The following CDC42BPB variants were observed in gnomAD, a reference collection of about 807,000 sequenced individuals.
CDC42BPB encodes the protein serine/threonine-protein kinase MRCK beta.
A neutral mutation model predicts 214.9 loss-of-function variants in CDC42BPB; 37 were observed. That is an observed-to-expected ratio of 0.17 (90% CI 0.13 to 0.23). The LOEUF (loss-of-function observed/expected upper bound fraction) is 0.23, where lower values mean the gene tolerates loss of function less well. CDC42BPB is among the 10% of genes least tolerant of loss of function. CDC42BPB has a pLI of 1.00. For missense variants in CDC42BPB, 1,694 were observed against 2,227.0 expected (o/e 0.76, Z 4.82); for synonymous variants, 931 against 884.0 (o/e 1.05, Z -0.94).
chr14:102,984,589 G>A (rs866402411), intron 6 of CDC42BPB, among the ~76,000 whole-genome samples: 1 of 152,090 alleles, frequency 6.6e-6, no homozygotes, highest in Non-Finnish European at 1.5e-5. Context: ...TCTGCAGAAA[G>A]CTGCGAGGGC....
intron 1 of CDC42BPB, chr14:103,041,368 T>C (rs1423124926): frequency 1.6e-5 from 8 of 502,408 alleles, no homozygotes; most frequent in East Asian, 3.2e-5. Flanking sequence ...TATGAAACTT[T>C]GTGACCTTGC....
chr14:103,015,150 G>C (rs976129904), intron 1 of CDC42BPB, among the ~76,000 whole-genome samples: 5 of 152,224 alleles, frequency 3.3e-5, no homozygotes, highest in African/African-American at 1.2e-4. Flanking sequence ...GGCTTGGAGA[G>C]GCAAAACCAC....
At chr14:102,949,022 C>T (rs543581047) in intron 26 of CDC42BPB, among the ~76,000 whole-genome samples, 2 of 152,290 alleles carry the variant, frequency 1.3e-5, no homozygotes, top group South Asian at 4.1e-4. Flanking sequence ...AGATGGAGTA[C>T]CCAGCCCCGG....
chr14:103,050,230 T>C (rs528302381), intron 1 of CDC42BPB, among the ~76,000 whole-genome samples: 1 of 152,260 alleles, frequency 6.6e-6, no homozygotes, highest in South Asian at 2.1e-4. Context: ...CCTGAGGACC[T>C]GAGAGCTTTA....
In CDC42BPB at chr14:102,966,337, T is replaced by G; in HGVS notation, c.2522A>C (p.Lys841Thr). The change falls in exon 18 of 37, where the codon AAG becomes ACG. Residue 841 changes from lysine (K) to threonine (T), a missense_variant. By Grantham distance (78) the Lys-to-Thr change is moderately conservative. Transcript: ENST00000361246. ...CAAAGCCTCGAGCTCTTCGGTCATCTTGGAAGCAAGAGCTTGAAGGTAACC... is the reference window on the plus strand; with the variant it reads ...CAAAGCCTCGAGCTCTTCGGTCATCGTGGAAGCAAGAGCTTGAAGGTAACC... ...ARGYLQALASKMTEELEALRS... is the reference protein window; with the variant it reads ...ARGYLQALASTMTEELEALRS... 6.2e-7 allele frequency: 1 copy of G among 1,614,130 alleles called. No individual in the cohort carries two copies. The highest frequency in any genetic ancestry group is 2.2e-5 in the East Asian group (1 of 44,878).
intron 5 of CDC42BPB, among the ~76,000 whole-genome samples, chr14:102,988,836 A>G (rs1171471195): frequency 6.6e-6 from 1 of 151,390 alleles, no homozygotes; most frequent in Non-Finnish European, 1.5e-5. Context: ...AAAAAGTAAA[A>G]ATACTAAAAA....
chr14:102,979,377 A>C (rs1032462963), intron 8 of CDC42BPB, among the ~76,000 whole-genome samples: 2 of 151,848 alleles, frequency 1.3e-5, no homozygotes, highest in South Asian at 2.1e-4. Flanking sequence ...ATGCCCGGCT[A>C]ATTTTTGTAT....
At chr14:102,964,361 A>G in intron 19 of CDC42BPB, 141 bp downstream of exon 19, 8 of 956,988 alleles carry the variant, frequency 8.4e-6, no homozygotes, top group Non-Finnish European at 1.2e-5. Context: ...GGTGAACCCG[A>G]CGTGCTGCCT....
At position 102,943,961 on chromosome 14, in the gene CDC42BPB, C is replaced by G. The variant is rs764317338; in HGVS notation, c.4338G>C (p.Leu1446=). The change falls in exon 30 of 37, where the codon CTG becomes CTC. Residue 1446 remains leucine (L), a synonymous_variant. Transcript: ENST00000361246. This position sits in a 1 kb window ranked among gnomAD's most constrained non-coding sequence, Gnocchi z 4.6. ...EYLLCFSHMG[L]YVDPQGRRAR... ...CCCTCCGGCCTTGCGGGTCCACGTA[C>G]AGTCCCATGTGGCTGAAGCAAAGCA... 1 of 1,612,986 alleles carries G rather than the reference C, an allele frequency of 6.2e-7. No individual in the cohort carries two copies. Among genetic ancestry groups the G allele is most frequent in the South Asian group, 1.1e-5 (1 of 91,074 alleles).
intron 16 of CDC42BPB, among the ~76,000 whole-genome samples, chr14:102,967,566 G>A (rs540322413): frequency 1.3e-5 from 2 of 152,362 alleles, no homozygotes; most frequent in Admixed American, 6.5e-5. Flanking sequence ...AGACGGTGCG[G>A]CTGCCGCACA....
intron 1 of CDC42BPB, among the ~76,000 whole-genome samples, chr14:103,046,560 T>C (rs550511496): frequency 5.9e-5 from 9 of 152,178 alleles, no homozygotes; most frequent in Non-Finnish European, 1.2e-4. Context: ...AACAAACGTG[T>C]GCAGGAATCA....
chr14:102,959,920 C>T (rs951828493), intron 20 of CDC42BPB: 1 of 864,028 alleles, frequency 1.2e-6, no homozygotes, highest in Admixed American at 6.2e-5. Context: ...AAAAAGTAAC[C>T]AAGGGACTGG....
chr14:102,999,749 A>G, intron 4 of CDC42BPB, 36 bp from the exon 5 acceptor site: 1 of 1,613,222 alleles, frequency 6.2e-7, no homozygotes. Flanking sequence ...AGAATACCAC[A>G]TTTAGTCACC....
rs761413152 is a variant in CDC42BPB at position 103,003,949 on chromosome 14, G to A, written c.426C>T (p.Ala142=). 1 of 1,611,054 alleles carries A rather than the reference G, an allele frequency of 6.2e-7. No individual in the cohort carries two copies. The highest frequency in any genetic ancestry group is 1.7e-5 in the Admixed American group (1 of 59,962). The stretch of plus-strand genomic sequence containing the variant: ...CTACCAGGTGGTTCTCGTCCTGAAA[G>A]GCGTAGTGCAGCGCGGTGATCCACT... ...DCQWITALHY[A]FQDENHLYLV... The change falls in exon 4 of 37, where the codon GCC becomes GCT. Residue 142 remains alanine, a synonymous_variant. Transcript: ENST00000361246.
intron 1 of CDC42BPB, among the ~76,000 whole-genome samples, chr14:103,044,394 G>T (rs1888176493): frequency 7.4e-6 from 1 of 134,854 alleles, no homozygotes; most frequent in African/African-American, 2.8e-5. Flanking sequence ...TTTTGAGACA[G>T]AGTCTCGCTC....
intron 20 of CDC42BPB, among the ~76,000 whole-genome samples, chr14:102,960,810 G>A (rs150945795): frequency 9.9e-4 from 151 of 152,150 alleles, no homozygotes; most frequent in African/African-American, 3.5e-3. Context: ...AGATAAAACT[G>A]GATACACTCC....
intron 20 of CDC42BPB, chr14:102,960,018 C>T (rs1017088398): frequency 6.0e-6 from 1 of 166,180 alleles, no homozygotes; most frequent in South Asian, 2.0e-4. Context: ...ACCAGCCTGG[C>T]CAACATGGTG....
chr14:102,952,809 C>A, intron 23 of CDC42BPB: 2 of 825,278 alleles, frequency 2.4e-6, no homozygotes, highest in Non-Finnish European at 2.9e-6. Flanking sequence ...AGAGAGAGGC[C>A]AACAAATACT....
chr14:103,044,531 G>A (rs1224376028), intron 1 of CDC42BPB, among the ~76,000 whole-genome samples: 11 of 151,936 alleles, frequency 7.2e-5, no homozygotes, highest in African/African-American at 1.9e-4. Flanking sequence ...CACCATGCCC[G>A]GCTAACTTTT....
Sources: allele counts gnomAD v4.1 joint callset (sites outside exome capture counted in the v4.1 genomes callset), GRCh38; gene constraint gnomAD v4.1.1; non-coding constraint Gnocchi (gnomAD v3.1); transcripts MANE v1.5; gene names NCBI Gene and HGNC (gene_info 2026-07-23, HGNC 2026-07-21).